NEXMIF: variants seen among roughly 807,000 people sequenced by gnomAD.
The protein encoded by NEXMIF is neurite extension and migration factor.
In NEXMIF, 8 loss-of-function variants were observed where a neutral mutation model predicts 62.1. The ratio of observed to expected loss-of-function variants is 0.13; its 90% CI spans 0.08 to 0.23. The LOEUF is 0.23. Among genes scored for constraint, NEXMIF ranks in the 10% least tolerant of loss-of-function variants. The probability of loss-of-function intolerance (pLI) is 1.00; values close to 1 mark genes in which losing one functional copy is unlikely to be tolerated. For synonymous variants in NEXMIF, 404 were observed against 416.6 expected (o/e 0.97, Z 0.37); for missense variants, 976 against 1,113.3 (o/e 0.88, Z 1.75).
At chrX:74,922,769 A>G (rs1234849651) in intron 1 of NEXMIF, among the ~76,000 whole-genome samples, 2 of 111,860 alleles carry the variant, frequency 1.8e-5, no homozygotes, top group African/African-American at 6.5e-5. Flanking sequence ...CTTACGATTT[A>G]CAAAAAAAAG....
At chrX:74,792,328 T>A (rs1482894081) in intron 1 of NEXMIF, among the ~76,000 whole-genome samples, 13 of 101,897 alleles carry the variant, frequency 1.3e-4, no homozygotes, top group Non-Finnish European at 1.6e-4. Context: ...GATTGCACTG[T>A]GGTCTGAGAG....
rs1234394580 is a variant in NEXMIF at position 74,735,150 on chromosome X, C to G, written c.*4255G>C. On this transcript the variant is annotated 3_prime_UTR_variant, in exon 4 of 4. Coordinates refer to ENST00000055682, the MANE Select transcript of NEXMIF (RefSeq NM_001008537.3). Reference sequence around the variant, plus strand: ...AAGAACATATTTCTGTAGTGATGGGCAGTCATTAAAAAAATCCCTAAATGA... The same window carrying G: ...AAGAACATATTTCTGTAGTGATGGGGAGTCATTAAAAAAATCCCTAAATGA... 1 of 111,673 alleles carries G rather than the reference C, an allele frequency of 9.0e-6. No homozygotes were observed. The highest frequency in any genetic ancestry group is 1.9e-5 in the Non-Finnish European group (1 of 53,042). The allele number at this position is 111,673 out of a possible 1,213,427, so 9.2% of individuals were successfully genotyped here.
At chrX:74,820,492 T>G (rs979049508) in intron 1 of NEXMIF, among the ~76,000 whole-genome samples, 5 of 111,205 alleles carry the variant, frequency 4.5e-5, no homozygotes, top group African/African-American at 1.6e-4. Flanking sequence ...GACCCAGCAA[T>G]CCCACTATTG....
In NEXMIF at chrX:74,742,775, C is replaced by G; in HGVS notation, c.1782G>C (p.Gln594His). The change falls in exon 3 of 4, where the codon CAG (glutamine) becomes CAC (histidine). Residue 594 changes from glutamine to histidine, a missense_variant. Around this residue, in one of 5 missense-constraint regions of NEXMIF, gnomAD observed 639 missense variants for 694.5 expected, o/e 0.92. Transcript: ENST00000055682. ...LKGFWQKKKK[Q>H]RNTNTDSIKT... is the part of the protein sequence containing the mutation. Reference sequence around the variant, plus strand: ...TGATGGAGTCCGTGTTGGTGTTTCTCTGCTTCTTCTTCTTTTGCCAGAAGC... The same window carrying G: ...TGATGGAGTCCGTGTTGGTGTTTCTGTGCTTCTTCTTCTTTTGCCAGAAGC... The G allele has an allele frequency of 8.3e-7, 1 of 1,211,436 alleles. No individual in the cohort carries two copies. The highest frequency in any genetic ancestry group is 1.8e-5 in the South Asian group (1 of 56,931).
At chrX:74,761,880 G>A (rs760351416) in intron 1 of NEXMIF, among the ~76,000 whole-genome samples, 28 of 111,042 alleles carry the variant, frequency 2.5e-4, no homozygotes, top group African/African-American at 9.1e-4. Context: ...TTTTAACACC[G>A]CGTCCCAGAG....
At chrX:74,800,309 T>C (rs1309437923) in intron 1 of NEXMIF, among the ~76,000 whole-genome samples, 1 of 111,735 alleles carries the variant, frequency 8.9e-6, no homozygotes, top group Non-Finnish European at 1.9e-5. Flanking sequence ...AGTGAAACAT[T>C]TGTTAACTGA....
chrX:74,867,966 C>G (rs763976841), intron 1 of NEXMIF, among the ~76,000 whole-genome samples: 4 of 111,201 alleles, frequency 3.6e-5, no homozygotes, highest in Non-Finnish European at 7.6e-5. Flanking sequence ...AAAAAGTGGG[C>G]AAAGAACATG....
intron 1 of NEXMIF, among the ~76,000 whole-genome samples, chrX:74,863,434 G>T (rs1016749285): frequency 5.0e-4 from 56 of 111,172 alleles, no homozygotes; most frequent in African/African-American, 1.8e-3. Flanking sequence ...AAATGATAAA[G>T]ATATCACCAC....
intron 1 of NEXMIF, among the ~76,000 whole-genome samples, chrX:74,830,850 A>G (rs2080433871): frequency 9.0e-6 from 1 of 111,402 alleles, no homozygotes; most frequent in Admixed American, 9.5e-5. Context: ...CCTTTTTCAG[A>G]TTATTCACTC....
intron 1 of NEXMIF, among the ~76,000 whole-genome samples, chrX:74,795,500 G>A (rs1037258315): frequency 2.7e-5 from 3 of 111,591 alleles, no homozygotes; most frequent in Admixed American, 9.5e-5. Context: ...TATAGGGATG[G>A]GATACTTATC....
At chrX:74,851,841 A>G (rs1446301992) in intron 1 of NEXMIF, among the ~76,000 whole-genome samples, 1 of 111,925 alleles carries the variant, frequency 8.9e-6, no homozygotes. Flanking sequence ...AAAGGACTCA[A>G]ATGTTATGAC....
Position 74,741,341 on chromosome X carries a change from G to C in NEXMIF, c.3216C>G (p.Ser1072=). The C allele has an allele frequency of 1.7e-6, 2 of 1,211,162 alleles. No homozygotes were observed. Among genetic ancestry groups the C allele is most frequent in the Admixed American group, 2.2e-5 (1 of 45,956 alleles). Residue 1072 remains serine (S), a synonymous_variant, in exon 3 of 4, where the codon TCC becomes TCG. Transcript: ENST00000055682. ...KFRHSSLSEM[S]PPDTPSLSPQ... ...GGGAAAGACTAGGGGTGTCCGGTGG[G>C]GACATCTCTGAAAGGGAAGAGTGGC...
intron 1 of NEXMIF, among the ~76,000 whole-genome samples, chrX:74,781,666 C>T (rs1385313018): frequency 2.0e-5 from 2 of 102,490 alleles, no homozygotes; most frequent in Non-Finnish European, 4.0e-5. Flanking sequence ...TCCCTCTTAC[C>T]AGGGTGTGGT....
intron 1 of NEXMIF, among the ~76,000 whole-genome samples, chrX:74,809,084 A>G (rs2080353353): frequency 9.0e-6 from 1 of 111,508 alleles, no homozygotes; most frequent in South Asian, 3.8e-4. Context: ...ATGTGAAGAC[A>G]CAGTAAGAAG....
chrX:74,844,567 C>T (rs761197775), intron 1 of NEXMIF, among the ~76,000 whole-genome samples: 3 of 111,284 alleles, frequency 2.7e-5, no homozygotes, highest in Non-Finnish European at 5.6e-5. Context: ...CTCATGAACA[C>T]CTAATACAGG....
intron 1 of NEXMIF, among the ~76,000 whole-genome samples, chrX:74,792,544 C>T (rs1465507122): frequency 1.0e-5 from 1 of 98,516 alleles, no homozygotes; most frequent in African/African-American, 3.7e-5. Context: ...GACTTTCTGT[C>T]TCGTTGATCT....
chrX:74,792,959 C>G (rs1251739497), intron 1 of NEXMIF, among the ~76,000 whole-genome samples: 2 of 107,424 alleles, frequency 1.9e-5, no homozygotes, highest in African/African-American at 3.4e-5. Flanking sequence ...TTAATTGGAG[C>G]ATTTAGTCCA....
intron 1 of NEXMIF, among the ~76,000 whole-genome samples, chrX:74,850,861 A>G (rs1327165889): frequency 9.0e-6 from 1 of 110,751 alleles, no homozygotes; most frequent in East Asian, 2.8e-4. Context: ...TTCTCCAGCA[A>G]AAGATCCCCA....
rs777139167 is a variant in NEXMIF at position 74,881,932 on chromosome X, TAATCTAGGATTGTTGA to T, written c.-48+42935_-48+42950del. On this transcript the variant is annotated intron_variant, in intron 1 of 3. Transcript: ENST00000055682. ...GTAGTGAGTCTTTTCCGTGATGGTC[TAATCTAGGATTGTTGA>T]AATCTAGGATTTCAACATAGTCTCC... 3.6e-5 allele frequency among the ~76,000 whole-genome samples: 4 copies of T among 111,710 alleles called. No individual in the cohort carries two copies. In the Admixed American group the frequency reaches 3.8e-4, roughly 11 times the overall value.
Sources: gnomAD v4.1 joint callset for allele counts (sites outside exome capture counted in the v4.1 genomes callset) on GRCh38, gnomAD v4.1.1 for gene constraint, gnomAD v4.1.1 regional missense constraint, MANE v1.5 for transcripts, NCBI Gene and HGNC (gene_info 2026-07-23, HGNC 2026-07-21) for gene names.